The following ERBIN variants were observed in gnomAD, a reference collection of about 807,000 sequenced individuals.
ERBIN encodes the protein densin-180-like protein.
ERBIN carries 60 observed loss-of-function variants against 158.4 expected under a neutral mutation model. The observed-to-expected ratio is 0.38, with a 90% CI of 0.31 to 0.47. The LOEUF (loss-of-function observed/expected upper bound fraction) is 0.47. Ranked by LOEUF, ERBIN falls within the 20% of genes least tolerant of loss-of-function variation. The pLI, the probability that ERBIN is intolerant of heterozygous loss-of-function variation, is 0.99. For missense variants in ERBIN, 1,610 were observed against 1,648.0 expected (o/e 0.98, Z 0.40); for synonymous variants, 594 against 557.2 (o/e 1.07, Z -0.93).
intron 2 of ERBIN, among the ~76,000 whole-genome samples, chr5:65,991,554 A>G (rs1033902178): frequency 5.3e-5 from 8 of 152,130 alleles, no homozygotes; most frequent in African/African-American, 1.9e-4. Flanking sequence ...TTTTTGGTTT[A>G]ATTTTATCTT....
chr5:66,051,953 C>T (rs140683002), intron 20 of ERBIN, among the ~76,000 whole-genome samples: 9 of 151,126 alleles, frequency 6.0e-5, no homozygotes, highest in Admixed American at 4.6e-4. Context: ...GCCTGTAATC[C>T]GAGCACTTTG....
intron 4 of ERBIN, among the ~76,000 whole-genome samples, chr5:66,009,770 C>T (rs527580785): frequency 6.6e-6 from 1 of 152,300 alleles, no homozygotes; most frequent in South Asian, 2.1e-4. Flanking sequence ...AAACATCTCC[C>T]ACATTCCTAT....
chr5:65,971,261 GT>G (rs2150986530), intron 1 of ERBIN, among the ~76,000 whole-genome samples: 1 of 150,516 alleles, frequency 6.6e-6, no homozygotes, highest in African/African-American at 2.4e-5. Context: ...TTTTTTTTCA[GT>G]GTTCAAAGCC....
chr5:66,001,339 T>C (rs866862912), intron 4 of ERBIN, among the ~76,000 whole-genome samples: 3 of 152,198 alleles, frequency 2.0e-5, no homozygotes, highest in Admixed American at 6.5e-5. Flanking sequence ...GTGCACTGTT[T>C]GGAAGGAGGC....
intron 1 of ERBIN, among the ~76,000 whole-genome samples, chr5:65,947,378 TGCC>T (rs1745902754): frequency 6.6e-6 from 1 of 152,116 alleles, no homozygotes; most frequent in South Asian, 2.1e-4. Context: ...TACAGGCACA[TGCC>T]ACCACGCCTG....
chr5:65,953,349 C>G (rs1452949189), intron 1 of ERBIN, among the ~76,000 whole-genome samples: 1 of 152,124 alleles, frequency 6.6e-6, no homozygotes, highest in Non-Finnish European at 1.5e-5. Flanking sequence ...TCTGCATACC[C>G]ATAGAATGAT....
chr5:66,002,859 G>A (rs749177346), intron 4 of ERBIN, among the ~76,000 whole-genome samples: 40 of 152,136 alleles, frequency 2.6e-4, no homozygotes, highest in Non-Finnish European at 4.4e-5. Context: ...TGTAGTTGAC[G>A]TTTTGAGCCC....
intron 4 of ERBIN, among the ~76,000 whole-genome samples, chr5:66,001,801 T>A (rs556158503): frequency 6.6e-6 from 1 of 152,184 alleles, no homozygotes; most frequent in Non-Finnish European, 1.5e-5. Context: ...TTTTATTTTA[T>A]TTTATTTTAT....
chr5:65,975,233 C>T (rs1268840522), intron 1 of ERBIN, among the ~76,000 whole-genome samples: 1 of 152,096 alleles, frequency 6.6e-6, no homozygotes, highest in African/African-American at 2.4e-5. Context: ...GTCTCAAATT[C>T]CTGACCTCAA....
chr5:65,962,635 C>T (rs940240393), intron 1 of ERBIN, among the ~76,000 whole-genome samples: 13 of 151,746 alleles, frequency 8.6e-5, no homozygotes, highest in African/African-American at 2.9e-4. Flanking sequence ...ATTATTTTCC[C>T]CCTCTTTTAG....
At chr5:65,982,631 A>G (rs1290303796) in intron 1 of ERBIN, among the ~76,000 whole-genome samples, 1 of 151,762 alleles carries the variant, frequency 6.6e-6, no homozygotes, top group Non-Finnish European at 1.5e-5. Context: ...AATTAGAAAA[A>G]TGCAAAATAA....
chr5:66,048,704 T>C lies in ERBIN; in HGVS notation c.1826T>C (p.Met609Thr), dbSNP rs147096101. 8.1e-4 allele frequency: 1,296 copies of C among 1,608,776 alleles called. 8 individuals are homozygous for C. In the African/African-American group the frequency reaches 0.014, roughly 18 times the overall value. The change falls in exon 19 of 26, where the codon ATG becomes ACG. Residue 609 changes from methionine to threonine, a missense_variant. Around this residue, in one of 2 missense-constraint regions of ERBIN, gnomAD observed 596 missense variants for 711.9 expected, o/e 0.84. Coordinates refer to ENST00000284037, the MANE Select transcript of ERBIN (RefSeq NM_001253697.2). Reference protein sequence around the residue: ...EELSSDEEMKMAEMRPPLIET... With the variant: ...EELSSDEEMKTAEMRPPLIET... ...CTTTCTTCTGATGAAGAGATGAAAATGGCGGAGATGCGACCACCATTAATT... is the reference window on the plus strand; with the variant it reads ...CTTTCTTCTGATGAAGAGATGAAAACGGCGGAGATGCGACCACCATTAATT...
At chr5:66,028,228 C>T in intron 13 of ERBIN, 46 bp from the exon 14 acceptor site, 2 of 1,422,486 alleles carry the variant, frequency 1.4e-6, no homozygotes, top group East Asian at 2.4e-5. Flanking sequence ...CATTTTAAAT[C>T]TTCTCATTTT....
Position 66,013,275 on chromosome 5 carries a change from T to C in ERBIN, c.387-274T>C, listed in dbSNP as rs570455577. ...TATACCCTAAATATATTTTTATGTATTGTGGCTCATTCATAGTTGACTGTT... is the reference window on the plus strand; with the variant it reads ...TATACCCTAAATATATTTTTATGTACTGTGGCTCATTCATAGTTGACTGTT... On this transcript the variant is annotated intron_variant, in intron 5 of 25. Coordinates refer to ENST00000284037, the MANE Select transcript of ERBIN (RefSeq NM_001253697.2). Among the ~76,000 whole-genome samples the C allele has an allele frequency of 1.4e-4, 21 of 152,336 alleles. No individual in the cohort carries two copies. The South Asian group carries it at 3.1e-3, about 23-fold the overall frequency.
At chr5:66,012,934 A>G (rs1022743827) in intron 5 of ERBIN, among the ~76,000 whole-genome samples, 8 of 152,212 alleles carry the variant, frequency 5.3e-5, no homozygotes, top group Admixed American at 4.6e-4. Flanking sequence ...TTAGGAGCCA[A>G]ATATTGAAAT....
intron 1 of ERBIN, among the ~76,000 whole-genome samples, chr5:65,953,436 G>T (rs1746747423): frequency 6.6e-6 from 1 of 152,162 alleles, no homozygotes; most frequent in Non-Finnish European, 1.5e-5. Context: ...CATGGGGAGG[G>T]TTGTATAGCT....
intron 2 of ERBIN, among the ~76,000 whole-genome samples, chr5:65,989,682 TTA>T (rs1751661836): frequency 6.6e-6 from 1 of 152,338 alleles, no homozygotes; most frequent in Middle Eastern, 3.4e-3. Flanking sequence ...TATGTTATCT[TTA>T]TATGTTTGGA....
chr5:66,034,262 C>G (rs959363861), intron 14 of ERBIN, among the ~76,000 whole-genome samples: 40 of 151,692 alleles, frequency 2.6e-4, no homozygotes, highest in African/African-American at 9.4e-4. Context: ...CATTATGATA[C>G]TCTTAGAATG....
intron 1 of ERBIN, among the ~76,000 whole-genome samples, chr5:65,955,457 C>T (rs1746993804): frequency 6.6e-6 from 1 of 152,096 alleles, no homozygotes; most frequent in South Asian, 2.1e-4. Context: ...TGGTGAAACC[C>T]CATCTTTACT....
Sources: allele counts gnomAD v4.1 joint callset (sites outside exome capture counted in the v4.1 genomes callset), GRCh38; gene constraint gnomAD v4.1.1; regional missense constraint gnomAD v4.1.1; transcripts MANE v1.5; gene names NCBI Gene and HGNC (gene_info 2026-07-23, HGNC 2026-07-21).